Variants in SKOR2 observed in about 807,000 individuals in gnomAD.
SKOR2 encodes the protein SKI family transcriptional corepressor 2, also known as LBX1 corepressor 1-like protein.
Under a neutral mutation model 69.1 loss-of-function variants are expected in SKOR2, and 47 were observed. That is an observed-to-expected ratio of 0.68 (90% CI 0.54 to 0.87). SKOR2 has a LOEUF of 0.87. SKOR2 is among the 40% of genes least tolerant of loss of function. The pLI, the probability that SKOR2 is intolerant of heterozygous loss-of-function variation, is 0.00. For missense variants in SKOR2, 1,404 were observed against 1,472.2 expected, an observed-to-expected ratio of 0.95 and a Z score of 0.76; for synonymous variants, 717 against 672.6, an observed-to-expected ratio of 1.07 and a Z score of -1.02.
At chr18:47,234,151 T>C (rs543584965) in intron 4 of SKOR2, among the ~76,000 whole-genome samples, 1 of 152,294 alleles carries the variant, frequency 6.6e-6, no homozygotes, top group East Asian at 1.9e-4. Flanking sequence ...TTGCCTTTCG[T>C]ATATTACTAA....
chr18:47,240,323 C>A (rs2064243408), intron 4 of SKOR2, among the ~76,000 whole-genome samples: 1 of 152,194 alleles, frequency 6.6e-6, no homozygotes, highest in Non-Finnish European at 1.5e-5. Flanking sequence ...TTTCAAATCA[C>A]TTAACTTCAC....
intron 1 of SKOR2, among the ~76,000 whole-genome samples, 153 bp downstream of exon 1, chr18:47,251,221 C>A (rs1222093279): frequency 6.6e-6 from 1 of 152,160 alleles, no homozygotes. Context: ...AAGACCCCCC[C>A]ACCCCCAACT....
chr18:47,227,525 T>C (rs2064182976), intron 6 of SKOR2, among the ~76,000 whole-genome samples: 2 of 151,978 alleles, frequency 1.3e-5, no homozygotes, highest in South Asian at 4.2e-4. Context: ...CAGACGAGGT[T>C]TCACCATGTT....
chr18:47,220,065 G>A lies in SKOR2; in HGVS notation c.2918-55C>T. On this transcript the variant is annotated intron_variant, in intron 6 of 8. Coordinates refer to ENST00000425639, the MANE Select transcript of SKOR2 (RefSeq NM_001278063.4). ...AACTAAAGTGTAAAATCTACTTTTA[G>A]TTTAGCTAGTAAAAACATTATTGAC... 2.1e-6 allele frequency: 3 copies of A among 1,442,274 alleles called. No individual in the cohort carries two copies. The South Asian group carries it at 3.7e-5, about 18-fold the overall frequency. The allele number at this position is 1,442,274 out of a possible 1,614,324, so 89.3% of individuals were successfully genotyped here. A position where few individuals can be genotyped will look rare whatever the true frequency, so the allele number is the denominator to read the frequency against.
chr18:47,249,265 T>C, intron 1 of SKOR2, 35 bp from the exon 2 acceptor site: 1 of 1,445,694 alleles, frequency 6.9e-7, no homozygotes, highest in Non-Finnish European at 9.1e-7. Flanking sequence ...GACTTGAGCC[T>C]TTTCAGACTA....
chr18:47,242,035 A>G (rs1026789097), intron 4 of SKOR2, among the ~76,000 whole-genome samples: 1 of 152,162 alleles, frequency 6.6e-6, no homozygotes, highest in African/African-American at 2.4e-5. Flanking sequence ...CTGTACTTTT[A>G]CTTACTTCCT....
intron 1 of SKOR2, 69 bp from the exon 2 acceptor site, chr18:47,249,299 C>T: frequency 7.7e-7 from 1 of 1,296,346 alleles, no homozygotes; most frequent in Non-Finnish European, 1.0e-6. Context: ...GGATGAATCG[C>T]TAACCAAAGA....
Position 47,208,706 on chromosome 18 carries a change from G to A in SKOR2, c.*4-1814C>T, listed in dbSNP as rs534921646. 6.6e-5 allele frequency among the ~76,000 whole-genome samples: 10 copies of A among 152,230 alleles called. No homozygotes were observed. In the South Asian group the frequency reaches 1.5e-3, roughly 22 times the overall value. On this transcript the variant is annotated intron_variant, in intron 8 of 8. Transcript: ENST00000425639. ...ATAACTAGATGTAAGGAAGGCCGTC[G>A]GGAATAATTCTGGTGTTAAAAATGG...
At chr18:47,236,628 G>A (rs929646593) in intron 4 of SKOR2, among the ~76,000 whole-genome samples, 2 of 152,124 alleles carry the variant, frequency 1.3e-5, no homozygotes, top group African/African-American at 4.8e-5. Context: ...TTTCCACCAT[G>A]TGAGGACACA....
chr18:47,207,389 G>C (rs2064116177), intron 8 of SKOR2, among the ~76,000 whole-genome samples: 1 of 152,172 alleles, frequency 6.6e-6, no homozygotes, highest in Admixed American at 6.6e-5. Context: ...AACCAGAGGA[G>C]AGCAGACAAT....
chr18:47,222,137 A>G (rs994008493), intron 6 of SKOR2, among the ~76,000 whole-genome samples: 1 of 152,124 alleles, frequency 6.6e-6, no homozygotes, highest in Non-Finnish European at 1.5e-5. Context: ...CCTGGGAAAC[A>G]TGGAAAAACT....
At position 47,247,034 on chromosome 18, in the gene SKOR2, A is replaced by C; in HGVS notation, c.2150T>G (p.Leu717Arg). Residue 717 changes from leucine to arginine, a missense_variant, in exon 2 of 9, where the codon CTG (leucine) becomes CGG (arginine). By Grantham distance (102) the Leu-to-Arg change is moderately radical. Coordinates refer to ENST00000425639, the MANE Select transcript of SKOR2 (RefSeq NM_001278063.4). This position sits in a 1 kb window ranked among gnomAD's most constrained non-coding sequence, Gnocchi z 6.6. ...GCAGCAGCTGGTTCCCCCGGGAGAC[A>C]GAAGGCCTCGGTGGTGCGGGTGCTG... ...LAQHPHHRGLLSPGGTSCCYP... is the reference protein window; with the variant it reads ...LAQHPHHRGLRSPGGTSCCYP... The C allele has an allele frequency of 4.8e-6, 7 of 1,471,166 alleles. No homozygotes were observed. The highest frequency in any genetic ancestry group is 6.3e-6 in the Non-Finnish European group (7 of 1,115,326). 91.1% of individuals were successfully genotyped at this position (1,471,166 alleles called of 1,614,324 possible).
chr18:47,249,196 A>G lies in SKOR2; in HGVS notation c.-13T>C, dbSNP rs1487873119. 6.5e-7 allele frequency: 1 copy of G among 1,531,478 alleles called. No homozygotes were observed. The highest frequency in any genetic ancestry group is 2.0e-5 in the Admixed American group (1 of 50,734). 94.9% of individuals were successfully genotyped at this position (1,531,478 alleles called of 1,614,324 possible). ...GACTGGAAGCCATCTCCGCCGCAGA[A>G]CCCCGGGCCGAGCCCTACAGGTCTG... On this transcript the variant is annotated 5_prime_UTR_variant, in exon 2 of 9. Coordinates refer to ENST00000425639, the MANE Select transcript of SKOR2 (RefSeq NM_001278063.4).
At position 47,230,549 on chromosome 18, in the gene SKOR2, G is replaced by C. The variant is rs1159952379; in HGVS notation, c.2827C>G (p.Gln943Glu). The C allele has an allele frequency of 7.1e-7, 1 of 1,418,346 alleles. No individual in the cohort carries two copies. Among genetic ancestry groups the C allele is most frequent in the Non-Finnish European group, 9.1e-7 (1 of 1,093,192 alleles). 87.9% of individuals were successfully genotyped at this position (1,418,346 alleles called of 1,614,324 possible). ...DVENMGKEEL[Q>E]KVLFEQIDLR... ...TCTATTTGTTCAAATAAAACCTTCT[G>C]AAGTTCTTCTAATAAAAAAAAGAAG... Residue 943 changes from glutamine to glutamate, a missense_variant, in exon 6 of 9, where the codon CAG becomes GAG. Physicochemically the swap from Gln to Glu is conservative, Grantham distance 29. This residue lies in a region of SKOR2 where 1,266 missense variants were observed against 1,309.9 expected (regional missense o/e 0.97). Coordinates refer to ENST00000425639, the MANE Select transcript of SKOR2 (RefSeq NM_001278063.4).
At chr18:47,232,178 C>A (rs1248519232) in intron 4 of SKOR2, among the ~76,000 whole-genome samples, 2 of 151,902 alleles carry the variant, frequency 1.3e-5, no homozygotes, top group African/African-American at 4.8e-5. Context: ...AATTAAAAAT[C>A]AACTTAAAAC....
chr18:47,247,243 G>C lies in SKOR2; in HGVS notation c.1941C>G (p.Pro647=). 1 of 1,470,112 alleles carries C rather than the reference G, an allele frequency of 6.8e-7. No individual in the cohort carries two copies. 91.1% of individuals were successfully genotyped at this position (1,470,112 alleles called of 1,614,324 possible). A position where few individuals can be genotyped will look rare whatever the true frequency, so the allele number is the denominator to read the frequency against. The change falls in exon 2 of 9, where the codon CCC becomes CCG. Residue 647 remains proline, a synonymous_variant. Transcript: ENST00000425639. The surrounding 1 kb of genome is among the most constrained non-coding windows in gnomAD (Gnocchi z 6.6). ...AKLHGASAGA[P]HSAQTHPHHH... ...GGTGGGGATGCGTCTGGGCCGAGTG[G>C]GGCGCGCCCGCCGACGCCCCGTGCA...
In SKOR2 at chr18:47,245,499, T is replaced by C. The variant is rs747893396; in HGVS notation, c.2676A>G (p.Ser892=). Residue 892 remains serine (S), a splice_region_variant and synonymous_variant, in exon 3 of 9, where the codon TCA becomes TCG. Transcript: ENST00000425639. ...GCTGATTTTTTTTTTTTTTTTTACC[T>C]GAAAAGCTGTTGTCATCCTTTGTAG... The part of the protein sequence containing the change: ...IVSTKDDNSF[S]DKNKEHSFFI... 1 of 1,483,746 alleles carries C rather than the reference T, an allele frequency of 6.7e-7. No homozygotes were observed. The highest frequency in any genetic ancestry group is 2.5e-5 in the Admixed American group (1 of 40,188). The allele number at this position is 1,483,746 out of a possible 1,614,324, so 91.9% of individuals were successfully genotyped here.
chr18:47,228,321 G>A (rs901892383), intron 6 of SKOR2, among the ~76,000 whole-genome samples: 1 of 152,174 alleles, frequency 6.6e-6, no homozygotes, highest in Admixed American at 6.6e-5. Flanking sequence ...TAATTGAAGT[G>A]TTTCATACAT....
At chr18:47,230,630 TTTA>T in intron 5 of SKOR2, 73 bp from the exon 6 acceptor site, 1 of 954,076 alleles carries the variant, frequency 1.0e-6, no homozygotes, top group Non-Finnish European at 1.4e-6. Context: ...TATATGGCAA[TTTA>T]TTATTATAAG....
Sources: allele counts gnomAD v4.1 joint callset (sites outside exome capture counted in the v4.1 genomes callset), GRCh38; gene constraint gnomAD v4.1.1; regional missense constraint gnomAD v4.1.1; non-coding constraint Gnocchi (gnomAD v3.1); transcripts MANE v1.5; gene names NCBI Gene and HGNC (gene_info 2026-07-23, HGNC 2026-07-21).